ADGRL4: variants seen among roughly 807,000 people sequenced by gnomAD.
The protein encoded by ADGRL4 is adhesion G protein-coupled receptor L4.
In ADGRL4, 90 loss-of-function variants were observed where a neutral mutation model predicts 74.8. That is an observed-to-expected ratio of 1.20 (90% CI 1.02 to 1.43). The LOEUF is 1.43. Among genes scored for constraint, ADGRL4 ranks in the 40% most tolerant of loss-of-function variants. ADGRL4 has a pLI of 0.00. For synonymous variants in ADGRL4, 311 were observed against 279.2 expected (o/e 1.11, Z -1.14); for missense variants, 881 against 814.3 (o/e 1.08, Z -1.00).
chr1:78,937,402 G>A (rs141683999), intron 6 of ADGRL4, among the ~76,000 whole-genome samples: 1,970 of 152,244 alleles, frequency 0.013, 43 homozygotes, highest in African/African-American at 0.045. Context: ...CTGAGATTGC[G>A]CCACTGCACT....
intron 10 of ADGRL4, among the ~76,000 whole-genome samples, chr1:78,919,717 A>C (rs1459992387): frequency 1.3e-5 from 2 of 151,888 alleles, no homozygotes; most frequent in Non-Finnish European, 2.9e-5. Context: ...ACCTTTTGGG[A>C]AGGTTCAAAT....
intron 2 of ADGRL4, among the ~76,000 whole-genome samples, chr1:78,996,042 TTAA>T (rs1404056912): frequency 6.6e-6 from 1 of 152,186 alleles, no homozygotes; most frequent in African/African-American, 2.4e-5. Context: ...TATTTTATTA[TTAA>T]TATGATATAC....
chr1:78,989,510 A>G (rs893618342), intron 2 of ADGRL4, among the ~76,000 whole-genome samples: 3 of 151,904 alleles, frequency 2.0e-5, no homozygotes, highest in South Asian at 2.1e-4. Flanking sequence ...AGCTAAAAAT[A>G]TAAGTTAAAG....
At chr1:78,905,634 TC>T (rs1404874417) in intron 12 of ADGRL4, among the ~76,000 whole-genome samples, 3 of 152,002 alleles carry the variant, frequency 2.0e-5, no homozygotes, top group Non-Finnish European at 2.9e-5. Context: ...CATTGATGAC[TC>T]CTGATCTAGA....
intron 2 of ADGRL4, among the ~76,000 whole-genome samples, chr1:78,962,079 C>CTCTCTGT (rs1649965289): frequency 6.6e-6 from 1 of 152,066 alleles, no homozygotes; most frequent in Non-Finnish European, 1.5e-5. Flanking sequence ...CAGAGTTTCA[C>CTCTCTGT]CATGTTCGTC....
intron 7 of ADGRL4, among the ~76,000 whole-genome samples, chr1:78,929,178 C>T (rs913338965): frequency 2.6e-5 from 4 of 151,304 alleles, no homozygotes; most frequent in Admixed American, 6.6e-5. Context: ...CTCAACCCTT[C>T]CTCCTTACTC....
chr1:78,920,325 A>G lies in ADGRL4; in HGVS notation c.1319T>C (p.Ile440Thr). 1 of 1,609,454 alleles carries G rather than the reference A, an allele frequency of 6.2e-7. No individual in the cohort carries two copies. The highest frequency in any genetic ancestry group is 8.5e-7 in the Non-Finnish European group (1 of 1,176,522). ...ITQLGIIISL[I>T]CLAICIFTFW... ...GGTAAAAATGCATATGGCAAGACAA[A>G]TCAGTGAAATAATTATTCCTAGTTG... Residue 440 changes from isoleucine (I) to threonine (T), a missense_variant, in exon 10 of 15, where the codon ATT (isoleucine) becomes ACT (threonine). By Grantham distance (89) the Ile-to-Thr change is moderately conservative (BLOSUM62 -1). Coordinates refer to ENST00000370742, the MANE Select transcript of ADGRL4 (RefSeq NM_022159.4).
chr1:78,990,115 A>C (rs888732132), intron 2 of ADGRL4, among the ~76,000 whole-genome samples: 1 of 151,938 alleles, frequency 6.6e-6, no homozygotes, highest in Admixed American at 6.6e-5. Flanking sequence ...ACCTCAGTGG[A>C]TCTCCATCAT....
intron 2 of ADGRL4, among the ~76,000 whole-genome samples, chr1:78,962,086 C>G (rs11801058): frequency 0.014 from 2,189 of 152,040 alleles, 54 homozygotes; most frequent in African/African-American, 0.05. Flanking sequence ...TCACCATGTT[C>G]GTCAGGCTGG....
rs186213028 is a variant in ADGRL4, at chr1:78,918,414, T to C, written c.1462-364A>G. Among the ~76,000 whole-genome samples, 434 of 152,052 alleles carry C rather than the reference T, an allele frequency of 2.9e-3. 7 individuals are homozygous for C. Among genetic ancestry groups the C allele is most frequent in the Non-Finnish European group, 4.9e-3 (336 of 67,890 alleles). On this transcript the variant is annotated intron_variant, in intron 10 of 14. Transcript: ENST00000370742. ...GATTTCTGTTTTGGAGATGCCTCTCTTTTCCTTTATTTTATTCATGCTCAA... is the reference window on the plus strand; with the variant it reads ...GATTTCTGTTTTGGAGATGCCTCTCCTTTCCTTTATTTTATTCATGCTCAA...
intron 2 of ADGRL4, among the ~76,000 whole-genome samples, chr1:78,949,825 A>C (rs1411804989): frequency 2.0e-5 from 3 of 152,170 alleles, no homozygotes; most frequent in Admixed American, 1.3e-4. Flanking sequence ...CCCTTGAAAA[A>C]TTCTTTAAAA....
At chr1:78,939,108 C>T in intron 4 of ADGRL4, 80 bp downstream of exon 4, 1 of 1,423,002 alleles carries the variant, frequency 7.0e-7, no homozygotes. Context: ...GTTTACTCTT[C>T]TTGAAATGTG....
intron 7 of ADGRL4, among the ~76,000 whole-genome samples, chr1:78,932,607 C>A (rs1320966992): frequency 6.4e-5 from 6 of 94,016 alleles, no homozygotes; most frequent in African/African-American, 7.5e-5. Flanking sequence ...GACACAAAAA[C>A]CCCTCCAAAA....
chr1:78,991,711 A>G (rs1312250807), intron 2 of ADGRL4, among the ~76,000 whole-genome samples: 1 of 151,978 alleles, frequency 6.6e-6, no homozygotes, highest in African/African-American at 2.4e-5. Context: ...CCTTCAATAT[A>G]GTCAACCAAC....
chr1:78,963,693 C>A (rs983734505), intron 2 of ADGRL4, among the ~76,000 whole-genome samples: 1 of 151,844 alleles, frequency 6.6e-6, no homozygotes, highest in Admixed American at 6.6e-5. Flanking sequence ...AGTCTTGTGA[C>A]AATTTTACAT....
rs201049265 is a variant in ADGRL4 at position 79,001,422 on chromosome 1, AAAAG to A, written c.172+3644_172+3647del. Among the ~76,000 whole-genome samples the A allele has an allele frequency of 9.1e-3, 1,377 of 151,878 alleles. 11 individuals carry two copies. Among genetic ancestry groups the A allele is most frequent in the African/African-American group, 0.012 (479 of 41,450 alleles). On this transcript the variant is annotated intron_variant, in intron 2 of 14. Coordinates refer to ENST00000370742, the MANE Select transcript of ADGRL4 (RefSeq NM_022159.4). ...AATATTTTTAAAATGCTTAAGACAA[AAAAG>A]AAAGAAAGAAAGAAAGAAAGAAAAA...
At chr1:78,957,448 A>G (rs1649858975) in intron 2 of ADGRL4, among the ~76,000 whole-genome samples, 1 of 152,198 alleles carries the variant, frequency 6.6e-6, no homozygotes, top group African/African-American at 2.4e-5. Flanking sequence ...GTGAACATAC[A>G]AATGCTAAGA....
chr1:78,917,758 C>G, intron 11 of ADGRL4, 58 bp from the exon 12 acceptor site: 1 of 1,578,100 alleles, frequency 6.3e-7, no homozygotes, highest in Non-Finnish European at 8.7e-7. Flanking sequence ...GTTAACATAG[C>G]AAAATTATCA....
At chr1:78,964,121 T>A (rs1650008336) in intron 2 of ADGRL4, among the ~76,000 whole-genome samples, 1 of 152,184 alleles carries the variant, frequency 6.6e-6, no homozygotes, top group African/African-American at 2.4e-5. Flanking sequence ...CAATCTGGGA[T>A]GGTAAAATTG....
Sources: gnomAD v4.1 joint callset for allele counts (sites outside exome capture counted in the v4.1 genomes callset) on GRCh38, gnomAD v4.1.1 for gene constraint, MANE v1.5 for transcripts, NCBI Gene and HGNC (gene_info 2026-07-23, HGNC 2026-07-21) for gene names.